Variants in NPAS3 observed in about 807,000 individuals in gnomAD.
NPAS3 encodes neuronal PAS domain protein 3, also known as neuronal PAS domain-containing protein 3.
A neutral mutation model predicts 73.1 loss-of-function variants in NPAS3; 14 were observed. That is an observed-to-expected ratio of 0.19 (90% confidence interval 0.13 to 0.30). The LOEUF is 0.30. Ranked by LOEUF, NPAS3 falls within the 10% of genes least tolerant of loss-of-function variation. The probability of loss-of-function intolerance (pLI) is 1.00; values close to 1 mark genes in which losing one functional copy is unlikely to be tolerated. For synonymous variants in NPAS3, 620 were observed against 541.5 expected (o/e 1.14, Z -2.01); for missense variants, 1,096 against 1,250.0 (o/e 0.88, Z 1.86).
At chr14:33,510,780 G>A (rs2053011698) in intron 4 of NPAS3, among the ~76,000 whole-genome samples, 1 of 152,072 alleles carries the variant, frequency 6.6e-6, no homozygotes, top group African/African-American at 2.4e-5. Flanking sequence ...TGGATGCATG[G>A]TGTAGGTTTG....
chr14:33,077,012 C>G (rs1026019270), intron 2 of NPAS3, among the ~76,000 whole-genome samples: 2 of 152,088 alleles, frequency 1.3e-5, no homozygotes, highest in African/African-American at 2.4e-5. Context: ...TGAGCACCTA[C>G]CAGGTACCAG....
intron 4 of NPAS3, among the ~76,000 whole-genome samples, chr14:33,388,372 G>A (rs1305069886): frequency 6.6e-6 from 1 of 152,124 alleles, no homozygotes; most frequent in East Asian, 1.9e-4. Context: ...TGAGTATAGA[G>A]AGAATGTCAG....
At chr14:33,452,717 G>A (rs1452545371) in intron 4 of NPAS3, among the ~76,000 whole-genome samples, 5 of 141,606 alleles carry the variant, frequency 3.5e-5, no homozygotes. Context: ...GGAGTTTGCA[G>A]TGAGCCCAGA....
At chr14:33,689,686 T>C (rs1401508400) in intron 6 of NPAS3, among the ~76,000 whole-genome samples, 4 of 152,192 alleles carry the variant, frequency 2.6e-5, no homozygotes, top group African/African-American at 9.6e-5. Flanking sequence ...AATACTCTTC[T>C]GGAAACTGAT....
chr14:33,023,536 A>G (rs2138281425), intron 1 of NPAS3, among the ~76,000 whole-genome samples: 1 of 152,330 alleles, frequency 6.6e-6, no homozygotes, highest in African/African-American at 2.4e-5. Flanking sequence ...ATTCTAATAC[A>G]TTCTAAAAAT....
rs1027461527 is a variant in NPAS3, at chr14:33,730,946, T to A, written c.734-4268T>A. Among the ~76,000 whole-genome samples the A allele has an allele frequency of 2.6e-5, 4 of 152,328 alleles. No homozygotes were observed. In the East Asian group the frequency reaches 7.7e-4, roughly 29 times the overall value. On this transcript the variant is annotated intron_variant, in intron 6 of 11. Transcript: ENST00000356141. ...TAGGCAATGATGTGGGAAAAGAATG[T>A]GTTTAACTTCATGTCTTAACAACCT...
chr14:33,169,143 G>A (rs779145287), intron 2 of NPAS3, among the ~76,000 whole-genome samples: 7 of 152,160 alleles, frequency 4.6e-5, no homozygotes, highest in Admixed American at 1.3e-4. Context: ...CAAAATGATA[G>A]CTTTTCCTTT....
At chr14:33,134,896 A>G (rs924175449) in intron 2 of NPAS3, among the ~76,000 whole-genome samples, 7 of 151,474 alleles carry the variant, frequency 4.6e-5, no homozygotes, top group Non-Finnish European at 1.0e-4. Flanking sequence ...GTTAAAGGAG[A>G]GGCATTCACA....
In NPAS3 at chr14:33,689,570, A is replaced by T. The variant is rs963579398; in HGVS notation, c.733+13185A>T. On this transcript the variant is annotated intron_variant, in intron 6 of 11. Coordinates refer to ENST00000356141, the Ensembl canonical transcript of NPAS3. The stretch of plus-strand genomic sequence containing the variant: ...AGGGTCCAAATGCTACACAAATCGT[A>T]GTACCCAAAAGATATGCTTCTGAAA... 3.4e-4 allele frequency among the ~76,000 whole-genome samples: 51 copies of T among 152,174 alleles called. 1 individual carries two copies. Among genetic ancestry groups the T allele is most frequent in the Non-Finnish European group, 3.7e-4 (25 of 68,032 alleles).
At position 33,723,992 on chromosome 14, in the gene NPAS3, G is replaced by A. The variant is rs184950343; in HGVS notation, c.734-11222G>A. ...ACCTTATCTTTAGCACGCGTAGCACGATCAAACCTTGGGCTTTAACCAGGC... is the reference window on the plus strand; with the variant it reads ...ACCTTATCTTTAGCACGCGTAGCACAATCAAACCTTGGGCTTTAACCAGGC... On this transcript the variant is annotated intron_variant, in intron 6 of 11. Coordinates refer to ENST00000356141, the Ensembl canonical transcript of NPAS3. 8.9e-4 allele frequency among the ~76,000 whole-genome samples: 136 copies of A among 152,174 alleles called. 1 individual carries two copies. In the Middle Eastern group the frequency reaches 0.014, roughly 15 times the overall value.
Position 33,731,439 on chromosome 14 carries a change from A to AG in NPAS3, c.734-3775_734-3774insG, listed in dbSNP as rs1555324232. The stretch of plus-strand genomic sequence containing the variant: ...GTCTCATTTGAAAAAAAAAAAAAAA[A>AG]AGAGAGAGAGAAAGAAAAAAAGGCC... On this transcript the variant is annotated intron_variant, in intron 6 of 11. Coordinates refer to ENST00000356141, the Ensembl canonical transcript of NPAS3. Among the ~76,000 whole-genome samples the AG allele has an allele frequency of 2.7e-4, 33 of 123,596 alleles. No homozygotes were observed. In the East Asian group the frequency reaches 6.3e-3, roughly 23 times the overall value. The allele number at this position is 123,596 out of a possible 152,430, so 81.1% of individuals were successfully genotyped here. A position where few individuals can be genotyped will look rare whatever the true frequency, so the allele number is the denominator to read the frequency against.
Position 33,275,383 on chromosome 14 carries a change from T to C in NPAS3, c.385+59957T>C, listed in dbSNP as rs193255196. Among the ~76,000 whole-genome samples the C allele has an allele frequency of 2.6e-3, 392 of 152,302 alleles. 10 individuals are homozygous for C. Among genetic ancestry groups the C allele is most frequent in the South Asian group, 2.7e-3 (13 of 4,828 alleles). ...TAAACTGGAGTCATAATATTAATACTTAAAATGCATGGCAACATGCTGGGA... is the reference window on the plus strand; with the variant it reads ...TAAACTGGAGTCATAATATTAATACCTAAAATGCATGGCAACATGCTGGGA... On this transcript the variant is annotated intron_variant, in intron 3 of 11. Coordinates refer to ENST00000356141, the Ensembl canonical transcript of NPAS3.
In NPAS3 at chr14:33,705,000, C is replaced by T. The variant is rs566701497; in HGVS notation, c.733+28615C>T. ...CTCCATCACTTGTCTGCCTTAGCAACTCACAATTAACTCCATTATTAAGCT... is the reference window on the plus strand; with the variant it reads ...CTCCATCACTTGTCTGCCTTAGCAATTCACAATTAACTCCATTATTAAGCT... On this transcript the variant is annotated intron_variant, in intron 6 of 11. Transcript: ENST00000356141. Among the ~76,000 whole-genome samples, 116 of 152,336 alleles carry T rather than the reference C, an allele frequency of 7.6e-4. 3 individuals carry two copies. The South Asian group carries it at 0.023, about 31-fold the overall frequency.
intron 6 of NPAS3, among the ~76,000 whole-genome samples, chr14:33,690,044 G>A (rs1015310018): frequency 6.6e-6 from 1 of 152,082 alleles, no homozygotes; most frequent in African/African-American, 2.4e-5. Context: ...CTTTTTATCT[G>A]GCTGGGCCAC....
intron 5 of NPAS3, among the ~76,000 whole-genome samples, chr14:33,656,272 A>G (rs1384909028): frequency 6.6e-6 from 1 of 151,978 alleles, no homozygotes. Flanking sequence ...ATTCAGGGCA[A>G]GGAGTCCACG....
intron 2 of NPAS3, among the ~76,000 whole-genome samples, chr14:33,088,350 T>G: frequency 6.6e-6 from 1 of 152,224 alleles, no homozygotes; most frequent in Non-Finnish European, 1.5e-5. Context: ...AATACTGCGC[T>G]TTTCCAATGG....
chr14:33,415,215 A>G (rs940870050), intron 4 of NPAS3, among the ~76,000 whole-genome samples: 2 of 152,096 alleles, frequency 1.3e-5, no homozygotes, highest in African/African-American at 4.8e-5. Context: ...CTATAAATGG[A>G]AGCTTTCTCA....
At chr14:33,005,199 C>A (rs777580926) in intron 1 of NPAS3, among the ~76,000 whole-genome samples, 1 of 152,016 alleles carries the variant, frequency 6.6e-6, no homozygotes, top group Non-Finnish European at 1.5e-5. Context: ...ACTGTGTGGG[C>A]CAAGGGTTGG....
At chr14:33,730,287 C>T (rs1310749010) in intron 6 of NPAS3, among the ~76,000 whole-genome samples, 6 of 152,140 alleles carry the variant, frequency 3.9e-5, no homozygotes, top group Admixed American at 3.9e-4. Flanking sequence ...GTCCGACAAA[C>T]ATTTGTCATA....
Sources: gnomAD v4.1 joint callset for allele counts (sites outside exome capture counted in the v4.1 genomes callset) on GRCh38, gnomAD v4.1.1 for gene constraint, MANE v1.5 for transcripts, NCBI Gene and HGNC (gene_info 2026-07-23, HGNC 2026-07-21) for gene names.